The following TMEM117 variants were observed in gnomAD, a reference collection of about 807,000 sequenced individuals.
TMEM117 encodes the protein transmembrane protein 117.
TMEM117 carries 27 observed loss-of-function variants against 52.4 expected under a neutral mutation model. That is an observed-to-expected ratio of 0.51 (90% CI 0.38 to 0.71). The LOEUF is 0.71. Ranked by LOEUF, TMEM117 falls within the 30% of genes least tolerant of loss-of-function variation. The probability of loss-of-function intolerance (pLI) is 0.00; values close to 1 mark genes in which losing one functional copy is unlikely to be tolerated. For synonymous variants in TMEM117, 215 were observed against 206.3 expected, an observed-to-expected ratio of 1.04 and a Z score of -0.36; for missense variants, 556 against 630.5, an observed-to-expected ratio of 0.88 and a Z score of 1.26.
At chr12:44,118,301 A>G (rs1449889139) in intron 3 of TMEM117, among the ~76,000 whole-genome samples, 1 of 152,210 alleles carries the variant, frequency 6.6e-6, no homozygotes, top group Non-Finnish European at 1.5e-5. Flanking sequence ...GAAGAGAATG[A>G]CATGTATTTA....
At chr12:44,345,726 G>A (rs1342044749) in intron 6 of TMEM117, among the ~76,000 whole-genome samples, 1 of 152,050 alleles carries the variant, frequency 6.6e-6, no homozygotes, top group African/African-American at 2.4e-5. Context: ...ACGTATCATT[G>A]TTATTTATTT....
At chr12:43,829,575 TGTTTTGAAGAAAAAAA>T in the TMEM117 span, among the ~76,000 whole-genome samples, 6 of 152,210 alleles carry the variant, frequency 3.9e-5, no homozygotes, top group South Asian at 2.1e-4. Flanking sequence ...GTCTGAGGTC[TGTTTTGAAGAAAAAAA>T]GTTTTGAAGA....
chr12:43,849,078 C>T (rs1015424098), intron 2 of TMEM117, among the ~76,000 whole-genome samples: 1 of 152,156 alleles, frequency 6.6e-6, no homozygotes, highest in African/African-American at 2.4e-5. Context: ...GGAGAGATGG[C>T]TCATTGACAC....
At chr12:44,264,929 A>G (rs1950359601) in intron 5 of TMEM117, among the ~76,000 whole-genome samples, 1 of 152,216 alleles carries the variant, frequency 6.6e-6, no homozygotes, top group East Asian at 1.9e-4. Flanking sequence ...TACAGATATT[A>G]TAATTTGCCC....
At position 44,244,478 on chromosome 12, in the gene TMEM117, G is replaced by A. The variant is rs77992127; in HGVS notation, c.608+33091G>A. The A allele has an allele frequency of 1.5e-3, 226 of 151,922 alleles. 2 individuals are homozygous for A. Among genetic ancestry groups the A allele is most frequent in the African/African-American group, 5.1e-3 (213 of 41,482 alleles). The allele number at this position is 151,922 out of a possible 1,614,324, so 9.4% of individuals were successfully genotyped here. ...AGCAACACAAAACAATTCAACATTA[G>A]GCAAACTAATGTGTTTGTCTTTTTT... is the stretch of plus-strand genomic sequence containing the variant. On this transcript the variant is annotated intron_variant, in intron 5 of 7. Transcript: ENST00000266534.
intron 2 of TMEM117, among the ~76,000 whole-genome samples, chr12:43,940,449 CA>C (rs1226451820): frequency 6.6e-6 from 1 of 152,130 alleles, no homozygotes; most frequent in Non-Finnish European, 1.5e-5. Context: ...AACACAGCAG[CA>C]AAAAGGCCAA....
At chr12:44,231,805 A>T (rs1949936623) in intron 5 of TMEM117, among the ~76,000 whole-genome samples, 1 of 151,778 alleles carries the variant, frequency 6.6e-6, no homozygotes, top group Non-Finnish European at 1.5e-5. Flanking sequence ...TTCATAATAG[A>T]AGAGTTTTTA....
chr12:44,366,665 T>G (rs1280878259), intron 6 of TMEM117, among the ~76,000 whole-genome samples: 2 of 152,100 alleles, frequency 1.3e-5, no homozygotes. Flanking sequence ...GGTTTTACTT[T>G]CTGTTACATA....
intron 3 of TMEM117, among the ~76,000 whole-genome samples, chr12:44,135,101 C>T (rs144881820): frequency 9.5e-4 from 144 of 152,238 alleles, no homozygotes; most frequent in African/African-American, 3.2e-3. Flanking sequence ...ACTGTGGTCT[C>T]CAACAATCAC....
At chr12:43,890,485 G>T (rs375036658) in intron 2 of TMEM117, among the ~76,000 whole-genome samples, 1 of 151,918 alleles carries the variant, frequency 6.6e-6, no homozygotes. Context: ...AGATTTTAGG[G>T]CTAGAGAAAG....
chr12:44,157,373 G>T (rs544265606), intron 4 of TMEM117, among the ~76,000 whole-genome samples: 1 of 151,174 alleles, frequency 6.6e-6, no homozygotes, highest in South Asian at 2.1e-4. Flanking sequence ...TGCTAATATT[G>T]TTAGTGTTAC....
intron 7 of TMEM117, among the ~76,000 whole-genome samples, chr12:44,385,656 C>T (rs1241992903): frequency 1.3e-5 from 2 of 152,092 alleles, no homozygotes; most frequent in Non-Finnish European, 2.9e-5. Flanking sequence ...GCACAAGGAC[C>T]TCTTCCCCCA....
chr12:44,222,892 C>T (rs1253855773), intron 5 of TMEM117, among the ~76,000 whole-genome samples: 3 of 152,132 alleles, frequency 2.0e-5, no homozygotes, highest in Non-Finnish European at 4.4e-5. Flanking sequence ...ATAAATCTTT[C>T]CAGAATGCTA....
At chr12:44,165,071 C>T (rs1948947731) in intron 4 of TMEM117, among the ~76,000 whole-genome samples, 1 of 152,136 alleles carries the variant, frequency 6.6e-6, no homozygotes, top group Non-Finnish European at 1.5e-5. Context: ...CACTACCCCC[C>T]TGCCACCGCC....
intron 4 of TMEM117, among the ~76,000 whole-genome samples, chr12:44,172,820 G>T (rs1018183220): frequency 9.9e-5 from 15 of 152,116 alleles, no homozygotes; most frequent in African/African-American, 3.4e-4. Context: ...TGTCTCCTGG[G>T]TTCAAGTGAT....
At chr12:44,035,684 G>A (rs1044414207) in intron 3 of TMEM117, among the ~76,000 whole-genome samples, 8 of 152,180 alleles carry the variant, frequency 5.3e-5, no homozygotes, top group African/African-American at 1.4e-4. Context: ...CTTTATTAAT[G>A]TATTGAATCT....
At chr12:44,184,537 G>A (rs1459813178) in intron 4 of TMEM117, among the ~76,000 whole-genome samples, 1 of 152,074 alleles carries the variant, frequency 6.6e-6, no homozygotes, top group Non-Finnish European at 1.5e-5. Context: ...TCATCATGAC[G>A]TGCCTTGAAG....
intron 3 of TMEM117, among the ~76,000 whole-genome samples, chr12:44,057,690 A>G (rs1187073029): frequency 2.6e-5 from 4 of 151,870 alleles, no homozygotes; most frequent in Admixed American, 2.6e-4. Context: ...TTGTTGAGGG[A>G]CAACCCAAAG....
chr12:43,927,468 A>G (rs1246236229), intron 2 of TMEM117, among the ~76,000 whole-genome samples: 3 of 150,672 alleles, frequency 2.0e-5, no homozygotes, highest in Non-Finnish European at 4.4e-5. Flanking sequence ...TTTGGTTTGC[A>G]TGACTTATTA....
Sources: allele counts gnomAD v4.1 joint callset (sites outside exome capture counted in the v4.1 genomes callset), GRCh38; gene constraint gnomAD v4.1.1; transcripts MANE v1.5; gene names NCBI Gene and HGNC (gene_info 2026-07-23, HGNC 2026-07-21).